The following PRKCA variants were observed in gnomAD, a reference collection of about 807,000 sequenced individuals.
PRKCA encodes the protein protein kinase C alpha type.
Under a neutral mutation model 87.0 loss-of-function variants are expected in PRKCA, and 27 were observed. The observed-to-expected ratio is 0.31, with a 90% confidence interval of 0.23 to 0.43. The LOEUF (loss-of-function observed/expected upper bound fraction) is 0.43, where lower values mean the gene tolerates loss of function less well. Ranked by LOEUF, PRKCA falls within the 20% of genes least tolerant of loss-of-function variation. The pLI is 1.00. For synonymous variants in PRKCA, 329 were observed against 311.1 expected (o/e 1.06, Z -0.61); for missense variants, 518 against 852.3 (o/e 0.61, Z 4.88).
At chr17:66,625,814 C>T (rs1251298551) in intron 3 of PRKCA, among the ~76,000 whole-genome samples, 2 of 152,200 alleles carry the variant, frequency 1.3e-5, no homozygotes, top group Non-Finnish European at 2.9e-5. Flanking sequence ...GTTGAGGTCC[C>T]GATTTTACCA....
At position 66,371,939 on chromosome 17, in the gene PRKCA, G is replaced by A. The variant is rs1032224724; in HGVS notation, c.205+65812G>A. On this transcript the variant is annotated intron_variant, in intron 2 of 16. Coordinates refer to ENST00000413366, the MANE Select transcript of PRKCA (RefSeq NM_002737.3). ...TGTTAAATTGAACTGAAAAATTGAAGCGCTTTGTATCTAAACAAATGTAGA... is the reference window on the plus strand; with the variant it reads ...TGTTAAATTGAACTGAAAAATTGAAACGCTTTGTATCTAAACAAATGTAGA... Among the ~76,000 whole-genome samples the A allele has an allele frequency of 8.5e-5, 13 of 152,190 alleles. No individual in the cohort carries two copies. The East Asian group carries it at 2.3e-3, about 27-fold the overall frequency.
chr17:66,532,459 G>A (rs569636554), intron 3 of PRKCA, among the ~76,000 whole-genome samples: 8 of 151,586 alleles, frequency 5.3e-5, no homozygotes, highest in Non-Finnish European at 1.0e-4. Flanking sequence ...TCCGCCTCCC[G>A]GGTTTGAGCA....
chr17:66,444,314 T>C (rs2143890550), intron 2 of PRKCA, among the ~76,000 whole-genome samples: 1 of 152,272 alleles, frequency 6.6e-6, no homozygotes, highest in Admixed American at 6.5e-5. Context: ...CCAACTCTCA[T>C]GGAATCCCAG....
intron 2 of PRKCA, among the ~76,000 whole-genome samples, chr17:66,485,233 A>G (rs895118344): frequency 3.3e-5 from 5 of 152,198 alleles, no homozygotes; most frequent in Admixed American, 3.3e-4. Context: ...TGCTCCCCCA[A>G]AACCTTGCAT....
intron 14 of PRKCA, chr17:66,775,276 C>G: frequency 1.0e-6 from 1 of 985,196 alleles, no homozygotes; most frequent in Non-Finnish European, 1.2e-6. Flanking sequence ...GTCCGTCAGC[C>G]CTACTACCTT....
chr17:66,368,081 G>C (rs1012792984), intron 2 of PRKCA, among the ~76,000 whole-genome samples: 1 of 152,088 alleles, frequency 6.6e-6, no homozygotes, highest in African/African-American at 2.4e-5. Flanking sequence ...CCAACCGTGG[G>C]ATCCCAGCCA....
intron 5 of PRKCA, among the ~76,000 whole-genome samples, chr17:66,668,419 T>TAATTACCAAGCACTGTGAATTGG (rs1027916133): frequency 1.3e-5 from 2 of 152,184 alleles, no homozygotes; most frequent in African/African-American, 4.8e-5. Flanking sequence ...TCAAGATGTG[T>TAATTACCAAGCACTGTGAATTGG]AATTACCAAG....
intron 8 of PRKCA, among the ~76,000 whole-genome samples, chr17:66,719,224 C>G (rs1973553261): frequency 6.6e-6 from 1 of 152,156 alleles, no homozygotes; most frequent in Non-Finnish European, 1.5e-5. Flanking sequence ...GTTACATCAG[C>G]TACAGTAGAG....
chr17:66,500,728 G>T (rs1916688944), intron 3 of PRKCA, among the ~76,000 whole-genome samples: 1 of 152,198 alleles, frequency 6.6e-6, no homozygotes, highest in African/African-American at 2.4e-5. Flanking sequence ...TGGTGCATTT[G>T]TTGAAAATTC....
chr17:66,413,161 T>C (rs190696525), intron 2 of PRKCA, among the ~76,000 whole-genome samples: 1 of 152,328 alleles, frequency 6.6e-6, no homozygotes, highest in East Asian at 1.9e-4. Flanking sequence ...CCTGTGCTCC[T>C]GACTGACTGT....
Position 66,409,656 on chromosome 17 carries a change from G to A in PRKCA, c.206-86545G>A, listed in dbSNP as rs553898756. Among the ~76,000 whole-genome samples, 16 of 152,272 alleles carry A rather than the reference G, an allele frequency of 1.1e-4. No homozygotes were observed. In the South Asian group the frequency reaches 1.7e-3, roughly 16 times the overall value. ...ATAGAAATCAGACTCAGGGCTGGGC[G>A]CGGTGGCTCACGCCTGTAATCCCAG... On this transcript the variant is annotated intron_variant, in intron 2 of 16. Transcript: ENST00000413366.
At chr17:66,625,744 T>C (rs1970836856) in intron 3 of PRKCA, among the ~76,000 whole-genome samples, 1 of 152,254 alleles carries the variant, frequency 6.6e-6, no homozygotes, top group Non-Finnish European at 1.5e-5. Flanking sequence ...GTTACTAGGA[T>C]GTGCCATTGG....
chr17:66,336,600 T>C (rs1315567304), intron 2 of PRKCA, among the ~76,000 whole-genome samples: 1 of 104,484 alleles, frequency 9.6e-6, no homozygotes, highest in East Asian at 2.8e-4. Context: ...TAAGTTTTTT[T>C]GGTGGTGGTG....
intron 2 of PRKCA, among the ~76,000 whole-genome samples, chr17:66,432,668 C>CT (rs1913159446): frequency 6.6e-6 from 1 of 152,116 alleles, no homozygotes. Flanking sequence ...ATGCCAGGGA[C>CT]TGGGCCTTAT....
intron 2 of PRKCA, among the ~76,000 whole-genome samples, chr17:66,362,733 A>T (rs1908466925): frequency 6.7e-6 from 1 of 149,724 alleles, no homozygotes; most frequent in African/African-American, 2.5e-5. Flanking sequence ...CAGTCTATAT[A>T]GCCCAGGCTG....
At chr17:66,362,111 C>T (rs1425829491) in intron 2 of PRKCA, among the ~76,000 whole-genome samples, 1 of 152,186 alleles carries the variant, frequency 6.6e-6, no homozygotes, top group Non-Finnish European at 1.5e-5. Context: ...TCTTGTCTCA[C>T]TGCAACCTCT....
At chr17:66,556,945 A>C (rs556514054) in intron 3 of PRKCA, among the ~76,000 whole-genome samples, 1 of 152,328 alleles carries the variant, frequency 6.6e-6, no homozygotes, top group African/African-American at 2.4e-5. Flanking sequence ...ACCCCACAGC[A>C]TCAGGATAGG....
intron 13 of PRKCA, among the ~76,000 whole-genome samples, chr17:66,754,789 G>A (rs910113620): frequency 1.3e-5 from 2 of 152,142 alleles, no homozygotes; most frequent in Admixed American, 1.3e-4. Flanking sequence ...ACATACTGGA[G>A]TGGAATCTCA....
chr17:66,471,247 A>T (rs1009323449), intron 2 of PRKCA, among the ~76,000 whole-genome samples: 1 of 152,222 alleles, frequency 6.6e-6, no homozygotes, highest in Non-Finnish European at 1.5e-5. Context: ...ATCACAAAGA[A>T]AGATTGGATA....
Sources: gnomAD v4.1 joint callset for allele counts (sites outside exome capture counted in the v4.1 genomes callset) on GRCh38, gnomAD v4.1.1 for gene constraint, MANE v1.5 for transcripts, NCBI Gene and HGNC (gene_info 2026-07-23, HGNC 2026-07-21) for gene names.